CHM: variants seen among roughly 807,000 people sequenced by gnomAD.
CHM encodes CHM Rab escort protein.
A neutral mutation model predicts 49.0 loss-of-function variants in CHM; 10 were observed. That is an observed-to-expected ratio of 0.20 (90% CI 0.13 to 0.35). The LOEUF (loss-of-function observed/expected upper bound fraction) is 0.35, where lower values mean the gene tolerates loss of function less well. Ranked by LOEUF, CHM falls within the 10% of genes least tolerant of loss-of-function variation. CHM has a pLI of 1.00. For missense variants in CHM, 455 were observed against 478.4 expected (o/e 0.95, Z 0.46); for synonymous variants, 184 against 167.5 (o/e 1.10, Z -0.76).
chrX:85,975,932 T>C (rs1445581277), intron 4 of CHM, among the ~76,000 whole-genome samples: 1 of 112,393 alleles, frequency 8.9e-6, no homozygotes, highest in Non-Finnish European at 1.9e-5. Context: ...ATGAAGATTT[T>C]GCAATGTATC....
At chrX:86,007,666 T>A (rs1008957803) in intron 2 of CHM, among the ~76,000 whole-genome samples, 11 of 112,565 alleles carry the variant, frequency 9.8e-5, no homozygotes, top group Admixed American at 8.4e-4. Context: ...ATGCTCATCA[T>A]CACTGGTCAT....
chrX:85,940,677 C>A (rs1929053750), intron 8 of CHM, among the ~76,000 whole-genome samples: 1 of 110,981 alleles, frequency 9.0e-6, no homozygotes, highest in African/African-American at 3.3e-5. Flanking sequence ...TGGTCTAAAC[C>A]ATGAGTCTCT....
At chrX:85,910,628 T>C (rs1362734285) in intron 9 of CHM, among the ~76,000 whole-genome samples, 6 of 111,494 alleles carry the variant, frequency 5.4e-5, no homozygotes, top group Non-Finnish European at 1.1e-4. Flanking sequence ...TAAAGCAGCC[T>C]ATAGGCCTGA....
chrX:85,882,508 C>T (rs760753549), intron 12 of CHM, among the ~76,000 whole-genome samples: 32 of 111,770 alleles, frequency 2.9e-4, no homozygotes, highest in Non-Finnish European at 5.7e-4. Flanking sequence ...ATAAACTATG[C>T]TCCTTTGACT....
intron 8 of CHM, among the ~76,000 whole-genome samples, chrX:85,915,055 A>AT (rs1169734484): frequency 2.7e-5 from 3 of 110,913 alleles, no homozygotes; most frequent in African/African-American, 9.8e-5. Flanking sequence ...AAAAACCCAT[A>AT]TAAAAAAAAA....
chrX:85,981,886 A>G, intron 2 of CHM, 77 bp from the exon 3 acceptor site: 1 of 780,600 alleles, frequency 1.3e-6, no homozygotes. Flanking sequence ...TCAACAAACC[A>G]TCTTTAACCC....
chrX:85,882,182 C>T (rs1192917175), intron 12 of CHM, among the ~76,000 whole-genome samples: 1 of 111,783 alleles, frequency 8.9e-6, no homozygotes, highest in Non-Finnish European at 1.9e-5. Context: ...AGTCTGAAGA[C>T]CTTAAGGGTA....
intron 8 of CHM, among the ~76,000 whole-genome samples, chrX:85,939,393 T>C (rs1304699448): frequency 8.9e-6 from 1 of 112,505 alleles, no homozygotes; most frequent in Non-Finnish European, 1.9e-5. Flanking sequence ...TTCTAAAATT[T>C]CTAGATATGA....
intron 8 of CHM, among the ~76,000 whole-genome samples, chrX:85,953,582 C>CA (rs942120038): frequency 1.8e-5 from 2 of 110,823 alleles, no homozygotes; most frequent in East Asian, 5.7e-4. Flanking sequence ...ACACATAAAC[C>CA]AAAAAAACAG....
intron 4 of CHM, chrX:85,971,044 G>A: frequency 1.9e-5 from 12 of 628,704 alleles, no homozygotes; most frequent in Non-Finnish European, 2.3e-5. Flanking sequence ...ATAAGTCATG[G>A]TAATCAAAAA....
chrX:85,947,495 G>A (rs953120283), intron 8 of CHM, among the ~76,000 whole-genome samples: 1 of 111,393 alleles, frequency 9.0e-6, no homozygotes, highest in Non-Finnish European at 1.9e-5. Flanking sequence ...CATCATGATT[G>A]TAAGCTTCTT....
chrX:85,946,297 C>T (rs1929404897), intron 8 of CHM, among the ~76,000 whole-genome samples: 2 of 112,499 alleles, frequency 1.8e-5, no homozygotes, highest in Non-Finnish European at 3.8e-5. Flanking sequence ...GTACTAACAG[C>T]CAAGACAATG....
chrX:86,027,692 T>C (rs1933888155), intron 1 of CHM, 135 bp from the exon 2 acceptor site: 2 of 502,499 alleles, frequency 4.0e-6, no homozygotes, highest in Admixed American at 6.4e-5. Flanking sequence ...TTCAGAATTA[T>C]AAAGTTTATA....
intron 2 of CHM, chrX:86,027,133 T>C (rs1012757913): frequency 2.8e-5 from 4 of 144,353 alleles, no homozygotes; most frequent in Admixed American, 2.4e-4. Flanking sequence ...TAAAATACAA[T>C]AGCATATATA....
In CHM at chrX:85,873,152, G is replaced by A. The variant is rs775176173; in HGVS notation, c.1670C>T (p.Ser557Leu). 6 of 1,205,212 alleles carry A rather than the reference G, an allele frequency of 5.0e-6. No individual in the cohort carries two copies. Among genetic ancestry groups the A allele is most frequent in the South Asian group, 1.8e-5 (1 of 56,184 alleles). ...ATAACAGCTCCTGCTGATGTCTGAC[G>A]AATCTCTCATATTGAAGTAAAGAGC... ...LWALYFNMRD[S>L]SDISRSCYND... The change falls in exon 14 of 15, where the codon TCG becomes TTG. Residue 557 changes from serine to leucine, a missense_variant. Transcript: ENST00000357749.
chrX:85,926,717 G>C (rs1928104565), intron 8 of CHM, among the ~76,000 whole-genome samples: 1 of 111,746 alleles, frequency 8.9e-6, no homozygotes, highest in South Asian at 3.7e-4. Context: ...GAGGGTTAGG[G>C]GGCTAAGGAT....
At chrX:85,968,954 T>C (rs1434739324) in intron 4 of CHM, 1 of 314,906 alleles carries the variant, frequency 3.2e-6, no homozygotes, top group Non-Finnish European at 4.2e-6. Flanking sequence ...CTCTAAACTG[T>C]AAAAATTACA....
intron 8 of CHM, among the ~76,000 whole-genome samples, chrX:85,915,504 T>G (rs1171538741): frequency 8.9e-6 from 1 of 112,113 alleles, no homozygotes; most frequent in Admixed American, 9.5e-5. Flanking sequence ...ACAGAGGAAG[T>G]CAAACTATCT....
At chrX:85,888,499 T>G (rs1925239865) in intron 12 of CHM, among the ~76,000 whole-genome samples, 1 of 111,483 alleles carries the variant, frequency 9.0e-6, no homozygotes, top group Non-Finnish European at 1.9e-5. Context: ...TCCCGGTTTT[T>G]CCTGAGTACA....
Sources: allele counts gnomAD v4.1 joint callset (sites outside exome capture counted in the v4.1 genomes callset), GRCh38; gene constraint gnomAD v4.1.1; transcripts MANE v1.5; gene names NCBI Gene and HGNC (gene_info 2026-07-23, HGNC 2026-07-21).